Variants in LRRC4C observed in about 807,000 individuals in gnomAD.
LRRC4C encodes the protein leucine-rich repeat-containing protein 4C.
In LRRC4C, 5 loss-of-function variants were observed where a neutral mutation model predicts 33.6. The ratio of observed to expected loss-of-function variants is 0.15; its 90% confidence interval spans 0.08 to 0.31. The LOEUF is 0.31. Among genes scored for constraint, LRRC4C ranks in the 10% least tolerant of loss-of-function variants. LRRC4C has a pLI of 1.00. For missense variants in LRRC4C, 560 were observed against 796.7 expected (o/e 0.70, Z 3.58); for synonymous variants, 329 against 302.0 (o/e 1.09, Z -0.93).
At chr11:40,616,259 A>G (rs950275513) in intron 3 of LRRC4C, among the ~76,000 whole-genome samples, 57 of 151,940 alleles carry the variant, frequency 3.8e-4, no homozygotes, top group African/African-American at 1.3e-3. Flanking sequence ...GTCAGGAAAC[A>G]ACAGGTGCTG....
chr11:40,509,048 C>T (rs1307505971), intron 3 of LRRC4C, among the ~76,000 whole-genome samples: 4 of 152,094 alleles, frequency 2.6e-5, no homozygotes, highest in Admixed American at 2.6e-4. Context: ...ATAAGCAGAT[C>T]CATTGAACCA....
intron 2 of LRRC4C, among the ~76,000 whole-genome samples, chr11:40,903,967 T>G (rs182948544): frequency 1.7e-4 from 26 of 152,076 alleles, no homozygotes; most frequent in African/African-American, 5.1e-4. Flanking sequence ...ATATATTTAA[T>G]AAAATACCAG....
chr11:40,652,069 T>C (rs943951185), intron 2 of LRRC4C, among the ~76,000 whole-genome samples: 3 of 152,170 alleles, frequency 2.0e-5, no homozygotes, highest in Non-Finnish European at 4.4e-5. Flanking sequence ...CAGAAAAGGC[T>C]TAGCAGGGTC....
chr11:40,329,416 T>A (rs1162782471), intron 3 of LRRC4C, among the ~76,000 whole-genome samples: 2 of 152,136 alleles, frequency 1.3e-5, no homozygotes, highest in Non-Finnish European at 2.9e-5. Flanking sequence ...ACGTGAGTCA[T>A]GCTGGAAGGA....
chr11:41,296,761 C>T (rs991517658), intron 1 of LRRC4C, among the ~76,000 whole-genome samples: 15 of 152,096 alleles, frequency 9.9e-5, no homozygotes, highest in African/African-American at 2.7e-4. Context: ...CACAACAACA[C>T]GACTACTGTC....
At chr11:40,438,161 C>A (rs1482383071) in intron 3 of LRRC4C, among the ~76,000 whole-genome samples, 2 of 152,188 alleles carry the variant, frequency 1.3e-5, no homozygotes, top group African/African-American at 4.8e-5. Flanking sequence ...CACCACTAGG[C>A]ATGGTCTGGT....
At chr11:41,147,637 G>A (rs1179105086) in intron 1 of LRRC4C, among the ~76,000 whole-genome samples, 1 of 152,212 alleles carries the variant, frequency 6.6e-6, no homozygotes, top group East Asian at 1.9e-4. Context: ...TGTATGCAAT[G>A]TGAGAGACAT....
At chr11:41,415,920 T>G (rs1041969176) in intron 1 of LRRC4C, among the ~76,000 whole-genome samples, 6 of 152,090 alleles carry the variant, frequency 3.9e-5, no homozygotes, top group Admixed American at 1.3e-4. Context: ...GGATTATTTC[T>G]GACTTGTCCA....
chr11:41,095,169 C>A (rs1387801019), intron 1 of LRRC4C, among the ~76,000 whole-genome samples: 1 of 151,966 alleles, frequency 6.6e-6, no homozygotes, highest in Non-Finnish European at 1.5e-5. Context: ...GAAGGGGAAG[C>A]AGGCACCTTC....
chr11:41,253,573 G>A (rs1041126442), intron 1 of LRRC4C, among the ~76,000 whole-genome samples: 1 of 152,050 alleles, frequency 6.6e-6, no homozygotes, highest in African/African-American at 2.4e-5. Flanking sequence ...AAGAGAACTG[G>A]TTTCTTGTCC....
intron 3 of LRRC4C, among the ~76,000 whole-genome samples, chr11:40,545,547 G>A (rs1250728579): frequency 2.6e-5 from 4 of 151,986 alleles, no homozygotes; most frequent in Non-Finnish European, 5.9e-5. Flanking sequence ...GTGCAGTTCA[G>A]GCAAGATGTA....
chr11:40,988,950 G>C (rs1033576179), intron 1 of LRRC4C, among the ~76,000 whole-genome samples: 1 of 151,852 alleles, frequency 6.6e-6, no homozygotes, highest in African/African-American at 2.4e-5. Context: ...GCGATCTCCT[G>C]ACCTGGTGAT....
At chr11:40,804,987 C>T (rs999213119) in intron 2 of LRRC4C, among the ~76,000 whole-genome samples, 1 of 152,220 alleles carries the variant, frequency 6.6e-6, no homozygotes, top group Admixed American at 6.5e-5. Context: ...GGCTTGGCCA[C>T]CCAGTGTCCA....
At chr11:41,076,482 C>T (rs28374706) in intron 1 of LRRC4C, among the ~76,000 whole-genome samples, 2 of 152,106 alleles carry the variant, frequency 1.3e-5, no homozygotes, top group Admixed American at 6.6e-5. Flanking sequence ...AGCAGGAGAG[C>T]GAGAGAGTGA....
At chr11:41,354,892 A>G (rs1952105039) in intron 1 of LRRC4C, among the ~76,000 whole-genome samples, 1 of 152,098 alleles carries the variant, frequency 6.6e-6, no homozygotes, top group African/African-American at 2.4e-5. Flanking sequence ...AAAATATAAA[A>G]CCCTAAAAGA....
chr11:40,362,417 GA>G lies in LRRC4C; in HGVS notation c.-269-42697del, dbSNP rs199991978. Among the ~76,000 whole-genome samples the G allele has an allele frequency of 3.5e-4, 53 of 151,276 alleles. 1 individual carries two copies. Among genetic ancestry groups the G allele is most frequent in the African/African-American group, 6.5e-4 (27 of 41,294 alleles). On this transcript the variant is annotated intron_variant, in intron 3 of 6. Coordinates refer to ENST00000528697, the MANE Select transcript of LRRC4C (RefSeq NM_001258419.2). ...ATGAGAAATGTAAACAAATTTACAAGAAAAAAAAACATTAAATAATATTCTG... is the reference window on the plus strand; with the variant it reads ...ATGAGAAATGTAAACAAATTTACAAGAAAAAAAACATTAAATAATATTCTG...
chr11:41,344,038 C>T (rs2137498732), intron 1 of LRRC4C, among the ~76,000 whole-genome samples: 1 of 152,200 alleles, frequency 6.6e-6, no homozygotes, highest in Middle Eastern at 3.4e-3. Flanking sequence ...ACAAAATGTT[C>T]TCCTCTGATG....
At chr11:41,002,224 A>T (rs2137398654) in intron 1 of LRRC4C, among the ~76,000 whole-genome samples, 1 of 152,332 alleles carries the variant, frequency 6.6e-6, no homozygotes, top group African/African-American at 2.4e-5. Context: ...AGGACTATGC[A>T]TGTAAGCAAT....
chr11:40,907,311 G>A (rs1048240272), intron 2 of LRRC4C, among the ~76,000 whole-genome samples: 3 of 152,098 alleles, frequency 2.0e-5, no homozygotes, highest in Non-Finnish European at 4.4e-5. Context: ...GGAGTCTCTC[G>A]CTAAACATGC....
Sources: allele counts gnomAD v4.1 joint callset (sites outside exome capture counted in the v4.1 genomes callset), GRCh38; gene constraint gnomAD v4.1.1; transcripts MANE v1.5; gene names NCBI Gene and HGNC (gene_info 2026-07-23, HGNC 2026-07-21).